RNF212B: variants seen among roughly 807,000 people sequenced by gnomAD.
The protein encoded by RNF212B is ring finger protein 212B, also known as E3 ubiquitin-protein ligase RNF212B.
RNF212B carries 52 observed loss-of-function variants against 55.5 expected under a neutral mutation model. The observed-to-expected ratio is 0.94, with a 90% confidence interval of 0.75 to 1.18. The LOEUF is 1.18. Ranked by LOEUF, RNF212B falls within the 50% of genes most tolerant of loss-of-function variation. The probability of loss-of-function intolerance (pLI) is 0.00; values close to 1 mark genes in which losing one functional copy is unlikely to be tolerated. For missense variants in RNF212B, 289 were observed against 350.4 expected (o/e 0.82, Z 1.40); for synonymous variants, 99 against 121.4 (o/e 0.82, Z 1.21).
chr14:23,215,609 C>T (rs1880985225), intron 2 of RNF212B, among the ~76,000 whole-genome samples: 1 of 152,110 alleles, frequency 6.6e-6, no homozygotes, highest in Non-Finnish European at 1.5e-5. Context: ...ACTGTCCATC[C>T]AGAATTCTAT....
chr14:23,250,307 T>C (rs1253064252), intron 4 of RNF212B, among the ~76,000 whole-genome samples: 1 of 151,922 alleles, frequency 6.6e-6, no homozygotes, highest in East Asian at 1.9e-4. Context: ...GGTAAAACCC[T>C]GTCTCTACTA....
In RNF212B at chr14:23,238,844, G is replaced by A. The variant is rs545468949; in HGVS notation, c.-2+789G>A. ...GTATTTAACAAAGTATATGAAATTG[G>A]TATTGGCAGAAAATACAGGCTATAT... On this transcript the variant is annotated intron_variant, in intron 1 of 14. Transcript: ENST00000430154. Among the ~76,000 whole-genome samples, 31 of 151,824 alleles carry A rather than the reference G, an allele frequency of 2.0e-4. No homozygotes were observed. In the South Asian group the frequency reaches 5.8e-3, roughly 28 times the overall value.
intron 4 of RNF212B, among the ~76,000 whole-genome samples, chr14:23,251,684 C>T (rs973490692): frequency 1.3e-5 from 2 of 151,910 alleles, no homozygotes; most frequent in South Asian, 4.2e-4. Context: ...GGTGTGGTGG[C>T]GGGCGCCTGT....
chr14:23,244,234 A>G, intron 3 of RNF212B, 88 bp from the exon 4 acceptor site: 1 of 712,736 alleles, frequency 1.4e-6, no homozygotes. Context: ...GTACATTAGA[A>G]AAGGTGGTAC....
intron 11 of RNF212B, among the ~76,000 whole-genome samples, chr14:23,266,092 G>A (rs1885671598): frequency 6.6e-6 from 1 of 151,522 alleles, no homozygotes; most frequent in Non-Finnish European, 1.5e-5. Context: ...CCAAGTAGCT[G>A]GGACTACAGG....
At chr14:23,250,582 T>C (rs1188469255) in intron 4 of RNF212B, among the ~76,000 whole-genome samples, 1 of 152,168 alleles carries the variant, frequency 6.6e-6, no homozygotes, top group African/African-American at 2.4e-5. Context: ...GTTTTACTTA[T>C]TAGTTCATGT....
At chr14:23,203,729 T>C (rs35431756) in intron 2 of RNF212B, among the ~76,000 whole-genome samples, 19,478 of 151,794 alleles carry the variant, frequency 0.13, 1,437 homozygotes, top group East Asian at 0.35. Flanking sequence ...CCACCTGCCT[T>C]GGCCTCCCAA....
intron 2 of RNF212B, among the ~76,000 whole-genome samples, chr14:23,241,465 C>A (rs1305806750): frequency 6.6e-6 from 1 of 151,978 alleles, no homozygotes; most frequent in Admixed American, 6.6e-5. Flanking sequence ...ACTTCGTCAC[C>A]CAGGCTGGAA....
At chr14:23,212,270 G>T (rs76849305) in intron 2 of RNF212B, among the ~76,000 whole-genome samples, 5,713 of 152,276 alleles carry the variant, frequency 0.038, 372 homozygotes, top group African/African-American at 0.13. Flanking sequence ...TATGCCGATG[G>T]CTATGGCCAC....
intron 2 of RNF212B, among the ~76,000 whole-genome samples, chr14:23,207,679 TG>T: frequency 6.6e-6 from 1 of 152,278 alleles, no homozygotes; most frequent in East Asian, 1.9e-4. Flanking sequence ...GTTACCAAAA[TG>T]CGAATCCTGA....
At chr14:23,241,243 C>T (rs1186175478) in intron 2 of RNF212B, among the ~76,000 whole-genome samples, 1 of 152,066 alleles carries the variant, frequency 6.6e-6, no homozygotes, top group Non-Finnish European at 1.5e-5. Context: ...AGACATATTA[C>T]ATCACAAAAC....
intron 5 of RNF212B, among the ~76,000 whole-genome samples, chr14:23,259,211 A>C (rs989074410): frequency 2.0e-5 from 3 of 147,830 alleles, no homozygotes; most frequent in Non-Finnish European, 4.5e-5. Context: ...ACAAAAAAAA[A>C]CATCTGCTTC....
rs145816494 is a variant in RNF212B, at chr14:23,187,715, C to T, written c.-79+2225C>T. On this transcript the variant is annotated intron_variant, in intron 1 of 15. Transcript: ENST00000399910. ...CCCTGGAGTCAACTCACAGTCCATG[C>T]GCTCACTCCATCCTTCTTCTCGTAA... is the stretch of plus-strand genomic sequence containing the variant. Among the ~76,000 whole-genome samples the T allele has an allele frequency of 1.2e-3, 176 of 152,236 alleles. 1 individual carries two copies. The highest frequency in any genetic ancestry group is 0.01 in the Middle Eastern group (3 of 294).
chr14:23,221,919 C>T (rs577096709), intron 2 of RNF212B, among the ~76,000 whole-genome samples: 6 of 152,108 alleles, frequency 3.9e-5, no homozygotes, highest in African/African-American at 1.4e-4. Flanking sequence ...AAGAAGGAAA[C>T]TGAAAAGTGC....
At chr14:23,253,223 T>G (rs532525706) in intron 4 of RNF212B, among the ~76,000 whole-genome samples, 1 of 152,218 alleles carries the variant, frequency 6.6e-6, no homozygotes, top group Non-Finnish European at 1.5e-5. Flanking sequence ...TATTATCAAA[T>G]TATCAGTCCC....
Position 23,260,683 on chromosome 14 carries a change from A to G in RNF212B, c.430A>G (p.Ser144Gly). 1 of 1,550,500 alleles carries G rather than the reference A, an allele frequency of 6.4e-7. No individual in the cohort carries two copies. The highest frequency in any genetic ancestry group is 8.7e-7 in the Non-Finnish European group (1 of 1,146,944). ...LKESPSRYQG[S>G]RSITPRPVGI... ...GGAATCTCCAAGTCGGTACCAAGGA[A>G]GCAGGTCAGTTTTATCAGCTCCCAT... The change falls in exon 7 of 15, where the codon AGC (serine) becomes GGC (glycine). Residue 144 changes from serine (S) to glycine (G), a missense_variant. Ser to Gly is a moderately conservative substitution (Grantham distance 56). Coordinates refer to ENST00000430154, the MANE Select transcript of RNF212B (RefSeq NM_001282322.3).
intron 4 of RNF212B, among the ~76,000 whole-genome samples, chr14:23,257,440 T>G (rs1249731494): frequency 6.6e-6 from 1 of 152,188 alleles, no homozygotes; most frequent in Non-Finnish European, 1.5e-5. Context: ...TTAGTTTACT[T>G]TCAAGTAGAA....
intron 2 of RNF212B, among the ~76,000 whole-genome samples, chr14:23,200,008 A>G (rs1224703591): frequency 6.6e-6 from 1 of 151,422 alleles, no homozygotes; most frequent in Non-Finnish European, 1.5e-5. Context: ...GTAGAACATA[A>G]TAAAAAATTA....
chr14:23,219,095 A>T (rs936894413), intron 2 of RNF212B, among the ~76,000 whole-genome samples: 1 of 152,210 alleles, frequency 6.6e-6, no homozygotes, highest in Non-Finnish European at 1.5e-5. Flanking sequence ...TCAGTGAAAT[A>T]TCCTTCAAAC....
Sources: allele counts gnomAD v4.1 joint callset (sites outside exome capture counted in the v4.1 genomes callset), GRCh38; gene constraint gnomAD v4.1.1; transcripts MANE v1.5; gene names NCBI Gene and HGNC (gene_info 2026-07-23, HGNC 2026-07-21).